The following CELF2 variants were observed in gnomAD, a reference collection of about 807,000 sequenced individuals.
CELF2 encodes the protein CUG triplet repeat RNA-binding protein 2.
A neutral mutation model predicts 62.6 loss-of-function variants in CELF2; 8 were observed. The observed-to-expected ratio is 0.13, with a 90% CI of 0.07 to 0.23. The LOEUF (loss-of-function observed/expected upper bound fraction) is 0.23. Ranked by LOEUF, CELF2 falls within the 10% of genes least tolerant of loss-of-function variation. The probability of loss-of-function intolerance (pLI) is 1.00; values close to 1 mark genes in which losing one functional copy is unlikely to be tolerated. For missense variants in CELF2, 333 were observed against 671.0 expected, an observed-to-expected ratio of 0.50 and a Z score of 5.56; for synonymous variants, 258 against 250.0, an observed-to-expected ratio of 1.03 and a Z score of -0.30.
intron 1 of CELF2, chr10:11,102,046 C>A (rs957804411): frequency 6.6e-6 from 1 of 152,104 alleles, no homozygotes; most frequent in Non-Finnish European, 1.5e-5. Flanking sequence ...AACTAATTGT[C>A]ATGGTAGAGC....
upstream of CELF2, among the ~76,000 whole-genome samples, chr10:11,004,862 G>A (rs927197967): frequency 1.3e-5 from 2 of 152,144 alleles, no homozygotes; most frequent in African/African-American, 4.8e-5. The surrounding 1 kb of genome is among the most constrained non-coding windows in gnomAD (Gnocchi z 5.0). Context: ...CAGTGTCCCA[G>A]AAAAGAGAGG....
At chr10:10,837,070 C>T (rs767904027) in intron 1 of CELF2, among the ~76,000 whole-genome samples, 7 of 152,156 alleles carry the variant, frequency 4.6e-5, no homozygotes, top group South Asian at 2.1e-4. Context: ...TCCTTTGTGC[C>T]GCACTCCTAC....
At chr10:11,038,094 T>A (rs186741574) in intron 1 of CELF2, among the ~76,000 whole-genome samples, 1 of 152,334 alleles carries the variant, frequency 6.6e-6, no homozygotes, top group Admixed American at 6.5e-5. Context: ...CTGCTGGTGA[T>A]AACAGGCAGA....
chr10:10,512,927 T>A, the CELF2 span, among the ~76,000 whole-genome samples: 1 of 152,146 alleles, frequency 6.6e-6, no homozygotes, highest in Non-Finnish European at 1.5e-5. Flanking sequence ...TTGGGATGAT[T>A]TTAGCCCACT....
At chr10:11,162,257 G>A (rs993696181) in intron 1 of CELF2, among the ~76,000 whole-genome samples, 3 of 152,030 alleles carry the variant, frequency 2.0e-5, no homozygotes, top group African/African-American at 7.3e-5. Flanking sequence ...CCAGGAGAGT[G>A]GTCAATGGGA....
rs553824604 is a variant in CELF2 at position 10,944,963 on chromosome 10, G to C, written c.89+24964G>C. ...TAAATGCATAGAAGGCATCAGGAGA[G>C]GGGAGAAGGGGGCAGAGTCCCTGAG... On this transcript the variant is annotated intron_variant, in intron 2 of 13. Coordinates refer to the CELF2 transcript ENST00000636488. 1.2e-4 allele frequency among the ~76,000 whole-genome samples: 18 copies of C among 152,260 alleles called. No individual in the cohort carries two copies. In the East Asian group the frequency reaches 3.3e-3, roughly 28 times the overall value.
the CELF2 span, among the ~76,000 whole-genome samples, chr10:10,466,421 T>C: frequency 6.6e-6 from 1 of 152,140 alleles, no homozygotes; most frequent in South Asian, 2.1e-4. Context: ...TTTCACTATA[T>C]AAATAAGCAA....
chr10:11,321,061 C>A lies in CELF2; in HGVS notation c.1097-128C>A. On this transcript the variant is annotated intron_variant, in intron 10 of 12. Transcript: ENST00000633077. The surrounding 1 kb of genome is among the most constrained non-coding windows in gnomAD (Gnocchi z 6.2). ...CATGGTTTCATTTTTAGTTTCCTGT[C>A]AGTGTAATTGTGTGCTAGCTGCATG... is the stretch of plus-strand genomic sequence containing the variant. 1 of 1,296,464 alleles carries A rather than the reference C, an allele frequency of 7.7e-7. No individual in the cohort carries two copies. The highest frequency in any genetic ancestry group is 1.1e-6 in the Non-Finnish European group (1 of 920,162). The allele number at this position is 1,296,464 out of a possible 1,614,324, so 80.3% of individuals were successfully genotyped here.
At chr10:10,862,636 G>A (rs1303676791) in intron 1 of CELF2, among the ~76,000 whole-genome samples, 1 of 152,158 alleles carries the variant, frequency 6.6e-6, no homozygotes, top group Non-Finnish European at 1.5e-5. Flanking sequence ...GGTCAGCTCA[G>A]ATTCAAGAGG....
chr10:10,953,571 G>A (rs2048552384), intron 2 of CELF2, among the ~76,000 whole-genome samples: 1 of 152,138 alleles, frequency 6.6e-6, no homozygotes, highest in Non-Finnish European at 1.5e-5. Flanking sequence ...TTAAAAAGAA[G>A]TTAGAGCCAT....
the CELF2 span, among the ~76,000 whole-genome samples, chr10:10,663,816 C>A: frequency 4.2e-3 from 647 of 152,302 alleles, 4 homozygotes; most frequent in Non-Finnish European, 6.8e-3. Flanking sequence ...TCAACAGTAG[C>A]CACATGTTAT....
the CELF2 span, among the ~76,000 whole-genome samples, chr10:10,667,375 C>G: frequency 1.3e-5 from 2 of 152,196 alleles, no homozygotes; most frequent in Non-Finnish European, 2.9e-5. Flanking sequence ...CTGCATTTAG[C>G]TCTTTCCAAA....
the CELF2 span, among the ~76,000 whole-genome samples, chr10:10,463,928 A>T: frequency 6.6e-6 from 1 of 150,556 alleles, no homozygotes; most frequent in Admixed American, 6.7e-5. Flanking sequence ...AACAGAATGT[A>T]GTTACCAAAT....
chr10:10,879,152 A>C (rs567616324), intron 1 of CELF2, among the ~76,000 whole-genome samples: 1 of 152,352 alleles, frequency 6.6e-6, no homozygotes, highest in Non-Finnish European at 1.5e-5. Flanking sequence ...CCTGCACGGC[A>C]GTGTACTTTC....
At chr10:10,843,164 A>G (rs1343376996) in intron 1 of CELF2, among the ~76,000 whole-genome samples, 1 of 152,030 alleles carries the variant, frequency 6.6e-6, no homozygotes, top group African/African-American at 2.4e-5. Flanking sequence ...GATATTGGCA[A>G]TTTGTGTCTC....
chr10:10,938,468 A>G lies in CELF2; in HGVS notation c.89+18469A>G, dbSNP rs2046663068. Reference sequence around the variant, plus strand: ...TCCTTCAAATTTCGTTTGAATGAACATTTTATGGATTTTTGTGACACTGAG... The same window carrying G: ...TCCTTCAAATTTCGTTTGAATGAACGTTTTATGGATTTTTGTGACACTGAG... On this transcript the variant is annotated intron_variant, in intron 2 of 13. Transcript: ENST00000636488. This position sits in a 1 kb window ranked among gnomAD's most constrained non-coding sequence, Gnocchi z 4.2. 6.6e-6 allele frequency among the ~76,000 whole-genome samples: 1 copy of G among 152,230 alleles called. No homozygotes were observed. The highest frequency in any genetic ancestry group is 2.1e-4 in the South Asian group (1 of 4,832).
At chr10:11,197,807 G>A (rs902641233) in intron 2 of CELF2, among the ~76,000 whole-genome samples, 1 of 152,224 alleles carries the variant, frequency 6.6e-6, no homozygotes, top group Admixed American at 6.5e-5. Context: ...TATATTTACT[G>A]CTGACTGCAT....
At position 11,224,587 on chromosome 10, in the gene CELF2, C is replaced by T. The variant is rs1110278; in HGVS notation, c.354+7080C>T. Among the ~76,000 whole-genome samples the T allele has an allele frequency of 0.98, 149,912 of 152,302 alleles. 73,835 individuals carry two copies. The highest frequency in any genetic ancestry group is 1 in the East Asian group (5,178 of 5,178). ...GGAATTACAGAGGAAGGAGGTGAGC[C>T]ATGATAATCAAATGATGAAAGGAGA... On this transcript the variant is annotated intron_variant, in intron 3 of 12. Transcript: ENST00000633077. The surrounding 1 kb of genome is among the most constrained non-coding windows in gnomAD (Gnocchi z 4.5).
chr10:10,671,889 T>G, the CELF2 span, among the ~76,000 whole-genome samples: 1 of 152,024 alleles, frequency 6.6e-6, no homozygotes, highest in Admixed American at 6.6e-5. Flanking sequence ...GCTGCCACAC[T>G]TGGCTAATTC....
Sources: allele counts gnomAD v4.1 joint callset (sites outside exome capture counted in the v4.1 genomes callset), GRCh38; gene constraint gnomAD v4.1.1; non-coding constraint Gnocchi (gnomAD v3.1); transcripts MANE v1.5; gene names NCBI Gene and HGNC (gene_info 2026-07-23, HGNC 2026-07-21).